The following PDE7B variants were observed in gnomAD, a reference collection of about 807,000 sequenced individuals.
PDE7B encodes phosphodiesterase 7B, also known as 3',5'-cyclic-AMP phosphodiesterase 7B.
In PDE7B, 29 loss-of-function variants were observed where a neutral mutation model predicts 56.2. The ratio of observed to expected loss-of-function variants is 0.52; its 90% CI spans 0.38 to 0.70. PDE7B has a LOEUF of 0.70. PDE7B is among the 30% of genes least tolerant of loss of function. PDE7B has a pLI of 0.00. For missense variants in PDE7B, 490 were observed against 565.0 expected, an observed-to-expected ratio of 0.87 and a Z score of 1.35; for synonymous variants, 197 against 196.9, an observed-to-expected ratio of 1.00 and a Z score of 0.00.
chr6:136,048,702 A>T (rs565727959), intron 2 of PDE7B, among the ~76,000 whole-genome samples: 1 of 152,296 alleles, frequency 6.6e-6, no homozygotes, highest in South Asian at 2.1e-4. Context: ...TTTTAGAAAG[A>T]TCATTCTAGC....
intron 2 of PDE7B, among the ~76,000 whole-genome samples, chr6:136,082,591 A>G (rs986432800): frequency 1.3e-5 from 2 of 152,192 alleles, no homozygotes; most frequent in Non-Finnish European, 2.9e-5. Context: ...TGTGAGTGTA[A>G]TAGCTTGCCA....
intron 2 of PDE7B, chr6:136,037,659 A>T: frequency 1.0e-6 from 1 of 985,426 alleles, no homozygotes; most frequent in South Asian, 4.7e-5. Flanking sequence ...AGCCTGTACC[A>T]CAGGGGTGAC....
chr6:136,144,049 TTTTC>T (rs1271159495), intron 3 of PDE7B, among the ~76,000 whole-genome samples: 26 of 152,220 alleles, frequency 1.7e-4, no homozygotes, highest in African/African-American at 5.8e-4. Flanking sequence ...ATCATCTATA[TTTTC>T]TTTTAGATTT....
intron 1 of PDE7B, among the ~76,000 whole-genome samples, chr6:135,904,084 T>C (rs1398546135): frequency 6.6e-6 from 1 of 152,182 alleles, no homozygotes; most frequent in Non-Finnish European, 1.5e-5. Flanking sequence ...TCCCATCACA[T>C]CAAATGTCTT....
chr6:136,190,104 T>A (rs1258512474), intron 12 of PDE7B, among the ~76,000 whole-genome samples: 1 of 152,208 alleles, frequency 6.6e-6, no homozygotes, highest in Non-Finnish European at 1.5e-5. Context: ...CAAAGCGTCT[T>A]TTTAGATATC....
chr6:136,022,409 GC>G (rs1776087367), intron 2 of PDE7B, among the ~76,000 whole-genome samples: 1 of 152,134 alleles, frequency 6.6e-6, no homozygotes, highest in South Asian at 2.1e-4. Flanking sequence ...TCATTTGCCT[GC>G]CTTTAACATC....
chr6:135,948,730 C>T (rs1432422120), intron 2 of PDE7B, among the ~76,000 whole-genome samples: 1 of 151,752 alleles, frequency 6.6e-6, no homozygotes, highest in Non-Finnish European at 1.5e-5. Context: ...TTACTAGAAG[C>T]ACATGAACGA....
intron 2 of PDE7B, among the ~76,000 whole-genome samples, chr6:135,960,236 A>G (rs1385323580): frequency 6.6e-6 from 1 of 152,198 alleles, no homozygotes; most frequent in Non-Finnish European, 1.5e-5. Flanking sequence ...AATTTCTAGG[A>G]CATAACAATA....
chr6:136,066,327 G>A (rs531066585), intron 2 of PDE7B, among the ~76,000 whole-genome samples: 3 of 152,274 alleles, frequency 2.0e-5, no homozygotes, highest in East Asian at 1.9e-4. Context: ...CCTTTTAGAA[G>A]GCAAGATGCA....
intron 2 of PDE7B, among the ~76,000 whole-genome samples, chr6:136,090,351 T>C (rs1394616122): frequency 6.6e-6 from 1 of 152,196 alleles, no homozygotes; most frequent in African/African-American, 2.4e-5. Flanking sequence ...AAGTTTCTCA[T>C]TTAGGAATTT....
intron 3 of PDE7B, among the ~76,000 whole-genome samples, chr6:136,137,775 T>C (rs955836274): frequency 1.3e-5 from 2 of 152,126 alleles, no homozygotes; most frequent in Non-Finnish European, 1.5e-5. Flanking sequence ...TATTTTTGCA[T>C]TTAAGCCAAC....
chr6:135,988,646 A>T (rs1398049240), intron 2 of PDE7B, among the ~76,000 whole-genome samples: 3 of 152,240 alleles, frequency 2.0e-5, no homozygotes, highest in Non-Finnish European at 4.4e-5. Flanking sequence ...TTAGAGATAC[A>T]GTTAAGATGA....
At chr6:136,134,021 T>C (rs1776171960) in intron 3 of PDE7B, among the ~76,000 whole-genome samples, 1 of 152,024 alleles carries the variant, frequency 6.6e-6, no homozygotes, top group South Asian at 2.1e-4. Flanking sequence ...AATGTCAGAA[T>C]AAATAATATA....
In PDE7B at chr6:135,985,981, C is replaced by A. The variant is rs377333099; in HGVS notation, c.82+38457C>A. Among the ~76,000 whole-genome samples, 52 of 152,272 alleles carry A rather than the reference C, an allele frequency of 3.4e-4. No individual in the cohort carries two copies. The Middle Eastern group carries it at 0.014, about 40-fold the overall frequency. Reference sequence around the variant, plus strand: ...TGCTCCCAGCCCGCTGCTAATAAAACCCATGGGAGCCAATTATAATGCTGT... The same window carrying A: ...TGCTCCCAGCCCGCTGCTAATAAAAACCATGGGAGCCAATTATAATGCTGT... On this transcript the variant is annotated intron_variant, in intron 2 of 12. Transcript: ENST00000308191.
At chr6:135,869,191 T>C (rs2128186250) in intron 1 of PDE7B, among the ~76,000 whole-genome samples, 1 of 152,264 alleles carries the variant, frequency 6.6e-6, no homozygotes, top group Non-Finnish European at 1.5e-5. Context: ...TTGGGGTGGA[T>C]AGAGACTGCT....
chr6:136,174,281 C>CA (rs1367458486), intron 9 of PDE7B, among the ~76,000 whole-genome samples: 1 of 151,990 alleles, frequency 6.6e-6, no homozygotes, highest in Non-Finnish European at 1.5e-5. Flanking sequence ...AGCTAGAGTT[C>CA]AAAAAAGTAT....
intron 2 of PDE7B, among the ~76,000 whole-genome samples, chr6:136,108,176 C>T (rs1777682168): frequency 6.7e-6 from 1 of 149,322 alleles, no homozygotes; most frequent in African/African-American, 2.5e-5. Flanking sequence ...TAAAGGGAAC[C>T]TACAAATAAA....
intron 3 of PDE7B, among the ~76,000 whole-genome samples, chr6:136,141,807 G>A (rs1778332009): frequency 6.6e-6 from 1 of 152,132 alleles, no homozygotes; most frequent in Non-Finnish European, 1.5e-5. Flanking sequence ...GATCGGTGCT[G>A]ATATCCCCTT....
intron 2 of PDE7B, among the ~76,000 whole-genome samples, chr6:136,103,289 T>A (rs989595742): frequency 2.0e-5 from 3 of 152,318 alleles, no homozygotes; most frequent in Admixed American, 6.5e-5. Flanking sequence ...TCCTGTAAGA[T>A]CATGGTACTC....
Sources: gnomAD v4.1 joint callset for allele counts (sites outside exome capture counted in the v4.1 genomes callset) on GRCh38, gnomAD v4.1.1 for gene constraint, MANE v1.5 for transcripts, NCBI Gene and HGNC (gene_info 2026-07-23, HGNC 2026-07-21) for gene names.